The following KDM6A variants were observed in gnomAD, a reference collection of about 807,000 sequenced individuals.
KDM6A encodes the protein lysine-specific demethylase 6A.
KDM6A carries 11 observed loss-of-function variants against 117.6 expected under a neutral mutation model. The ratio of observed to expected loss-of-function variants is 0.09; its 90% CI spans 0.06 to 0.15. The LOEUF (loss-of-function observed/expected upper bound fraction) is 0.15, where lower values mean the gene tolerates loss of function less well. Ranked by LOEUF, KDM6A falls within the 10% of genes least tolerant of loss-of-function variation. The pLI is 1.00. For missense variants in KDM6A, 799 were observed against 1,077.3 expected, an observed-to-expected ratio of 0.74 and a Z score of 3.62; for synonymous variants, 384 against 396.1, an observed-to-expected ratio of 0.97 and a Z score of 0.36.
intron 3 of KDM6A, among the ~76,000 whole-genome samples, chrX:44,963,477 G>C (rs907899003): frequency 2.7e-5 from 1 of 36,722 alleles, no homozygotes; most frequent in Non-Finnish European, 6.1e-5. Flanking sequence ...GTGTGTGTGT[G>C]TGTGTGTGTC....
intron 5 of KDM6A, among the ~76,000 whole-genome samples, chrX:45,011,773 TTTA>T (rs1351526666): frequency 9.0e-6 from 1 of 110,917 alleles, no homozygotes; most frequent in South Asian, 3.7e-4. Context: ...TATTTATTTA[TTTA>T]TTTATTTTAT....
chrX:44,942,786 T>TGG (rs1400905400), intron 2 of KDM6A, among the ~76,000 whole-genome samples: 1 of 110,391 alleles, frequency 9.1e-6, no homozygotes, highest in Non-Finnish European at 1.9e-5. Context: ...TTCCGGGGGT[T>TGG]GGGGCAGGTG....
At chrX:45,051,843 C>T in intron 9 of KDM6A, 41 bp downstream of exon 9, 2 of 777,541 alleles carry the variant, frequency 2.6e-6, no homozygotes, top group East Asian at 3.2e-5. Context: ...AAGTGCTTCT[C>T]TTTATGTTTT....
intron 27 of KDM6A, among the ~76,000 whole-genome samples, chrX:45,103,971 G>C (rs1357056787): frequency 1.8e-5 from 2 of 110,463 alleles, no homozygotes; most frequent in African/African-American, 6.6e-5. Context: ...CATCTTCTAT[G>C]TGTTTACACC....
chrX:44,917,642 G>T (rs1005852755), intron 2 of KDM6A, among the ~76,000 whole-genome samples: 1 of 111,573 alleles, frequency 9.0e-6, no homozygotes, highest in Non-Finnish European at 1.9e-5. Flanking sequence ...TTCCTCCTGC[G>T]CTTCCTTATA....
intron 19 of KDM6A, among the ~76,000 whole-genome samples, chrX:45,077,999 C>T (rs1010135317): frequency 3.6e-5 from 4 of 111,945 alleles, no homozygotes; most frequent in Non-Finnish European, 7.5e-5. Context: ...TTCTAGATAC[C>T]TCATGTAAGT....
At chrX:44,963,442 T>A (rs1238769798) in intron 3 of KDM6A, among the ~76,000 whole-genome samples, 4 of 28,703 alleles carry the variant, frequency 1.4e-4, no homozygotes, top group Non-Finnish European at 2.6e-4. Context: ...GGTGACAGAG[T>A]GTGTGTGTGT....
chrX:44,952,836 G>A lies in KDM6A; in HGVS notation c.226-8448G>A, dbSNP rs1039225811. On this transcript the variant is annotated intron_variant, in intron 2 of 29. Coordinates refer to ENST00000611820, the MANE Select transcript of KDM6A (RefSeq NM_001291415.2). Reference sequence around the variant, plus strand: ...TCACTGCATTGCCCAGGCTGCAGTGGCGTGATCACAGCTCACCGCAGCCAC... The same window carrying A: ...TCACTGCATTGCCCAGGCTGCAGTGACGTGATCACAGCTCACCGCAGCCAC... Among the ~76,000 whole-genome samples, 3 of 110,612 alleles carry A rather than the reference G, an allele frequency of 2.7e-5. 1 individual carries two copies. Among genetic ancestry groups the A allele is most frequent in the Non-Finnish European group, 5.7e-5 (3 of 52,850 alleles).
chrX:45,005,493 T>C (rs1247286681), intron 4 of KDM6A, among the ~76,000 whole-genome samples: 3 of 111,865 alleles, frequency 2.7e-5, no homozygotes, highest in Non-Finnish European at 5.6e-5. Context: ...CTTTTATCAT[T>C]AACATGTCGG....
chrX:44,919,562 A>T (rs1364834179), intron 2 of KDM6A, among the ~76,000 whole-genome samples: 1 of 110,250 alleles, frequency 9.1e-6, no homozygotes, highest in Non-Finnish European at 1.9e-5. Flanking sequence ...TCTTTTTTCC[A>T]TTTATTAAAG....
intron 5 of KDM6A, among the ~76,000 whole-genome samples, chrX:45,012,527 G>T (rs1440307981): frequency 9.0e-6 from 1 of 110,841 alleles, no homozygotes; most frequent in African/African-American, 3.3e-5. Flanking sequence ...TAGTGTATCT[G>T]ACCTTTTCAG....
chrX:44,884,993 A>G (rs1455262614), intron 2 of KDM6A, among the ~76,000 whole-genome samples: 2 of 109,966 alleles, frequency 1.8e-5, no homozygotes, highest in Admixed American at 9.8e-5. Flanking sequence ...AGTTGTTGAC[A>G]TCTCTTTTTC....
chrX:44,878,631 T>A (rs972776990), intron 2 of KDM6A, among the ~76,000 whole-genome samples: 1 of 112,042 alleles, frequency 8.9e-6, no homozygotes, highest in Non-Finnish European at 1.9e-5. Flanking sequence ...TTTAAAGTTC[T>A]GGTTTTCTTT....
chrX:45,064,363 G>GT (rs1480447398), intron 17 of KDM6A, among the ~76,000 whole-genome samples: 2 of 111,256 alleles, frequency 1.8e-5, no homozygotes, highest in African/African-American at 6.6e-5. Context: ...TAGAAGATAG[G>GT]TTATGAAGAG....
intron 4 of KDM6A, among the ~76,000 whole-genome samples, chrX:44,985,813 G>A (rs2040188658): frequency 1.8e-5 from 2 of 111,729 alleles, no homozygotes; most frequent in African/African-American, 6.5e-5. Flanking sequence ...CGGTTTGTCC[G>A]TATTTTATTG....
At chrX:45,016,453 T>TTATGTATG (rs35987184) in intron 5 of KDM6A, among the ~76,000 whole-genome samples, 2,317 of 98,698 alleles carry the variant, frequency 0.023, 41 homozygotes, top group Non-Finnish European at 0.028. Flanking sequence ...TGATTTTATT[T>TTATGTATG]TATGTATGTA....
chrX:45,033,869 T>C (rs755781787), intron 6 of KDM6A, among the ~76,000 whole-genome samples: 74 of 111,053 alleles, frequency 6.7e-4, no homozygotes, highest in Non-Finnish European at 1.2e-3. Flanking sequence ...CATTCTTGAG[T>C]GAATACATTA....
At chrX:44,933,293 A>T (rs1434809979) in intron 2 of KDM6A, among the ~76,000 whole-genome samples, 9 of 53,474 alleles carry the variant, frequency 1.7e-4, no homozygotes, top group Non-Finnish European at 2.8e-4. Flanking sequence ...TTTGAGACGG[A>T]GTCTCACTCT....
rs2045277864 is a variant in KDM6A at position 45,079,250 on chromosome X, A to G, written c.3199A>G (p.Thr1067Ala). Residue 1067 changes from threonine to alanine, a missense_variant, in exon 21 of 30, where the codon ACT (threonine) becomes GCT (alanine). Transcript: ENST00000611820. ...GCCAGCAGATGAAAACTGGGATCCC[A>G]CTGGAACAAAGAAAATCTGGCATTG... ...LQPADENWDPTGTKKIWHCES... is the reference protein window; with the variant it reads ...LQPADENWDPAGTKKIWHCES... 1.7e-6 allele frequency: 2 copies of G among 1,206,502 alleles called. No individual in the cohort carries two copies. Among genetic ancestry groups the G allele is most frequent in the East Asian group, 5.9e-5 (2 of 33,837 alleles).
Sources: gnomAD v4.1 joint callset for allele counts (sites outside exome capture counted in the v4.1 genomes callset) on GRCh38, gnomAD v4.1.1 for gene constraint, MANE v1.5 for transcripts, NCBI Gene and HGNC (gene_info 2026-07-23, HGNC 2026-07-21) for gene names.